The following CYTH1 variants were observed in gnomAD, a reference collection of about 807,000 sequenced individuals.
CYTH1 encodes the protein cytohesin-1.
A neutral mutation model predicts 61.8 loss-of-function variants in CYTH1; 18 were observed. The ratio of observed to expected loss-of-function variants is 0.29; its 90% CI spans 0.20 to 0.43. CYTH1 has a LOEUF of 0.43. Ranked by LOEUF, CYTH1 falls within the 20% of genes least tolerant of loss-of-function variation. The pLI is 1.00. For synonymous variants in CYTH1, 174 were observed against 184.3 expected (o/e 0.94, Z 0.45); for missense variants, 336 against 510.5 (o/e 0.66, Z 3.29).
At chr17:78,719,615 C>T (rs1267847098) in intron 1 of CYTH1, among the ~76,000 whole-genome samples, 4 of 152,112 alleles carry the variant, frequency 2.6e-5, no homozygotes, top group African/African-American at 9.7e-5. Context: ...AAGAATGCAA[C>T]CAAAATCCAG....
In CYTH1 at chr17:78,689,043, G is replaced by C. The variant is rs148959835; in HGVS notation, c.891+3374C>G. ...TGGTGGATGGGCTTACCAAAACCATGGCTGAGACAAGTACACAGTGTGGGA... is the reference window on the plus strand; with the variant it reads ...TGGTGGATGGGCTTACCAAAACCATCGCTGAGACAAGTACACAGTGTGGGA... On this transcript the variant is annotated intron_variant, in intron 11 of 13. Transcript: ENST00000446868. Among the ~76,000 whole-genome samples, 55 of 152,282 alleles carry C rather than the reference G, an allele frequency of 3.6e-4. 1 individual carries two copies. The highest frequency in any genetic ancestry group is 1.3e-3 in the African/African-American group (52 of 41,546).
chr17:78,781,170 T>TAA (rs899046034), intron 1 of CYTH1, among the ~76,000 whole-genome samples: 21 of 126,636 alleles, frequency 1.7e-4, no homozygotes, highest in Non-Finnish European at 2.5e-4. Flanking sequence ...TCTCGTCTCT[T>TAA]AAAAAAAAAA....
rs958058764 is a variant in CYTH1 at position 78,700,783 on chromosome 17, C to T, written c.438-340G>A. Among the ~76,000 whole-genome samples the T allele has an allele frequency of 3.9e-5, 6 of 152,120 alleles. No individual in the cohort carries two copies. Among genetic ancestry groups the T allele is most frequent in the Admixed American group, 2.6e-4 (4 of 15,270 alleles). On this transcript the variant is annotated intron_variant, in intron 6 of 13. Coordinates refer to ENST00000446868, the MANE Select transcript of CYTH1 (RefSeq NM_004762.6). This position sits in a 1 kb window ranked among gnomAD's most constrained non-coding sequence, Gnocchi z 5.1. ...CAAGTGATCCACCCGCCTCAGCCTC[C>T]CAAAGTGCTGGGAGTACAGGTGTGA...
chr17:78,688,927 T>C (rs2092846846), intron 11 of CYTH1, among the ~76,000 whole-genome samples: 1 of 152,204 alleles, frequency 6.6e-6, no homozygotes, highest in Non-Finnish European at 1.5e-5. Context: ...TTGGCAGTCT[T>C]GGCGTGTTCT....
chr17:78,678,529 A>T (rs1041491882), intron 13 of CYTH1: 1 of 152,210 alleles, frequency 6.6e-6, no homozygotes, highest in Non-Finnish European at 1.5e-5. Context: ...CCTTACTTCA[A>T]ATCTTATATA....
At chr17:78,735,192 C>A (rs938843490) in intron 1 of CYTH1, among the ~76,000 whole-genome samples, 8 of 152,194 alleles carry the variant, frequency 5.3e-5, no homozygotes, top group African/African-American at 1.9e-4. Context: ...CGGCCCCTAA[C>A]CTCATGCCCC....
intron 4 of CYTH1, 55 bp downstream of exon 4, chr17:78,702,483 C>A (rs1190095579): frequency 1.3e-6 from 2 of 1,571,780 alleles, no homozygotes; most frequent in Non-Finnish European, 1.7e-6. Context: ...TCTATCTGAG[C>A]ACTATAAAAA....
rs79205904 is a variant in CYTH1, at chr17:78,679,927, G to A, written c.1118+263C>T. Among the ~76,000 whole-genome samples, 37 of 152,326 alleles carry A rather than the reference G, an allele frequency of 2.4e-4. 2 individuals carry two copies. The East Asian group carries it at 6.8e-3, about 28-fold the overall frequency. ...AGTTGAGCAGATGGCATCTGTGTGG[G>A]TAGCTCACTCGCCTCTTCCTATTTT... is the stretch of plus-strand genomic sequence containing the variant. On this transcript the variant is annotated intron_variant, in intron 13 of 13. Coordinates refer to ENST00000446868, the MANE Select transcript of CYTH1 (RefSeq NM_004762.6).
intron 1 of CYTH1, among the ~76,000 whole-genome samples, chr17:78,760,409 GTA>G (rs1237676249): frequency 0.033 from 1,298 of 39,204 alleles, 156 homozygotes; most frequent in Admixed American, 0.11. Context: ...ATATATATGT[GTA>G]TATATATATA....
At chr17:78,721,753 G>C (rs753940765) in intron 1 of CYTH1, among the ~76,000 whole-genome samples, 1 of 152,110 alleles carries the variant, frequency 6.6e-6, no homozygotes, top group Admixed American at 6.5e-5. Flanking sequence ...CTTATAAAAG[G>C]AAGGTATTGG....
At chr17:78,692,940 G>A (rs1306107969) in intron 10 of CYTH1, among the ~76,000 whole-genome samples, 4 of 152,154 alleles carry the variant, frequency 2.6e-5, no homozygotes, top group Admixed American at 2.6e-4. Flanking sequence ...TGGAAGTGAA[G>A]GAAGGAGGAA....
intron 11 of CYTH1, among the ~76,000 whole-genome samples, chr17:78,692,130 T>G (rs2092893314): frequency 6.6e-6 from 1 of 152,180 alleles, no homozygotes; most frequent in Admixed American, 6.5e-5. Flanking sequence ...CTAGCCCAGT[T>G]CCAAAACCCA....
chr17:78,782,171 G>A (rs747526644), intron 1 of CYTH1, 31 bp downstream of exon 1: 51 of 1,358,338 alleles, frequency 3.8e-5, no homozygotes, highest in Non-Finnish European at 4.9e-5. Context: ...GGACAGCGAG[G>A]GGGAAGCGTC....
intron 1 of CYTH1, among the ~76,000 whole-genome samples, chr17:78,778,221 AC>A (rs2093500755): frequency 6.7e-6 from 1 of 149,308 alleles, no homozygotes; most frequent in Admixed American, 6.8e-5. Flanking sequence ...AATCGCATGA[AC>A]CCAGGAGGTG....
intron 2 of CYTH1, chr17:78,709,259 CAGCCAGTAAGCGGCAGAGCCAG>C (rs957227837): frequency 5.4e-6 from 1 of 184,898 alleles, no homozygotes; most frequent in Non-Finnish European, 1.1e-5. Flanking sequence ...TCAAATCATT[CAGCCAGTAAGCGGCAGAGCCAG>C]AGCCAGGGCG....
intron 1 of CYTH1, 84 bp from the exon 2 acceptor site, chr17:78,709,816 G>A (rs898672002): frequency 2.4e-6 from 3 of 1,238,836 alleles, no homozygotes; most frequent in African/African-American, 1.5e-5. Context: ...AAAGGAGAAA[G>A]ATATCAAGAA....
intron 1 of CYTH1, among the ~76,000 whole-genome samples, chr17:78,714,688 C>T (rs115076640): frequency 3.3e-4 from 50 of 152,216 alleles, no homozygotes; most frequent in African/African-American, 1.2e-3. Flanking sequence ...GCTCACTCGC[C>T]CTGAAGCCAA....
rs1375470827 is a variant in CYTH1 at position 78,674,961 on chromosome 17, G to GGCCCATCT, written c.*1122_*1129dup. The GGCCCATCT allele has an allele frequency of 6.6e-6, 1 of 152,424 alleles. No individual in the cohort carries two copies. The highest frequency in any genetic ancestry group is 1.5e-5 in the Non-Finnish European group (1 of 68,230). 9.4% of individuals were successfully genotyped at this position (152,424 alleles called of 1,614,324 possible). Reference sequence around the variant, plus strand: ...CAGTGCACCCCACGGAGCAGATAAAGGCCCATCTTCCCCTCTAGGGGGCCC... The same window carrying GGCCCATCT: ...CAGTGCACCCCACGGAGCAGATAAAGGCCCATCTGCCCATCTTCCCCTCTAGGGGGCCC... On this transcript the variant is annotated 3_prime_UTR_variant, in exon 14 of 14. Transcript: ENST00000446868.
chr17:78,759,416 G>A (rs1208822764), intron 1 of CYTH1, among the ~76,000 whole-genome samples: 2 of 152,130 alleles, frequency 1.3e-5, no homozygotes, highest in African/African-American at 2.4e-5. Flanking sequence ...ACAGATCAGG[G>A]CTCTAAAACT....
Sources: gnomAD v4.1 joint callset for allele counts (sites outside exome capture counted in the v4.1 genomes callset) on GRCh38, gnomAD v4.1.1 for gene constraint, Gnocchi (gnomAD v3.1) non-coding constraint, MANE v1.5 for transcripts, NCBI Gene and HGNC (gene_info 2026-07-23, HGNC 2026-07-21) for gene names.